The following SLC35G2 variants were observed in gnomAD, a reference collection of about 807,000 sequenced individuals.
SLC35G2 encodes transmembrane protein 22.
Under a neutral mutation model 27.2 loss-of-function variants are expected in SLC35G2, and 20 were observed. That is an observed-to-expected ratio of 0.74 (90% confidence interval 0.52 to 1.07). The LOEUF is 1.07. Ranked by LOEUF, SLC35G2 falls within the 50% of genes least tolerant of loss-of-function variation. SLC35G2 has a pLI of 0.00. For synonymous variants in SLC35G2, 148 were observed against 165.3 expected (o/e 0.90, Z 0.80); for missense variants, 416 against 493.3 (o/e 0.84, Z 1.48).
rs1195017165 is a variant in SLC35G2, at chr3:136,829,271, G to GAGTGC, written c.-19+9648_-19+9652dup. ...GGAGTCTTGCTCTGGCACCAGGCTG[G>GAGTGC]AGTGCAGTGGCGCCATCTTGGCTCA... On this transcript the variant is annotated intron_variant, in intron 1 of 1. Transcript: ENST00000446465. Among the ~76,000 whole-genome samples the GAGTGC allele has an allele frequency of 2.0e-5, 3 of 151,884 alleles. No homozygotes were observed. The East Asian group carries it at 5.8e-4, about 29-fold the overall frequency.
At chr3:136,830,002 A>G (rs931692797) in intron 1 of SLC35G2, among the ~76,000 whole-genome samples, 2 of 151,986 alleles carry the variant, frequency 1.3e-5, no homozygotes, top group African/African-American at 4.8e-5. Flanking sequence ...CTTTGAATAA[A>G]CTTTCTACCT....
intron 1 of SLC35G2, among the ~76,000 whole-genome samples, chr3:136,849,872 C>T (rs991761084): frequency 1.3e-5 from 2 of 149,714 alleles, no homozygotes; most frequent in Admixed American, 6.7e-5. Context: ...CGGGAAGCCG[C>T]GGCGGGCGGA....
intron 1 of SLC35G2, among the ~76,000 whole-genome samples, chr3:136,846,057 C>T (rs116309219): frequency 5.3e-5 from 8 of 152,190 alleles, no homozygotes; most frequent in African/African-American, 1.9e-4. Context: ...GGGCATCGTC[C>T]AATCAGTTGA....
intron 1 of SLC35G2, among the ~76,000 whole-genome samples, chr3:136,836,887 G>T (rs971252520): frequency 6.6e-6 from 1 of 152,182 alleles, no homozygotes; most frequent in Non-Finnish European, 1.5e-5. Flanking sequence ...AATTCTAGGA[G>T]CTGGATGATG....
intron 1 of SLC35G2, among the ~76,000 whole-genome samples, chr3:136,845,707 T>C (rs1333822293): frequency 2.6e-5 from 4 of 151,908 alleles, no homozygotes; most frequent in South Asian, 2.1e-4. Flanking sequence ...GCAATTCTCC[T>C]GCCTCAGCCT....
Position 136,854,941 on chromosome 3 carries a change from C to T in SLC35G2, c.481C>T (p.Pro161Ser), listed in dbSNP as rs1016206214. 6.2e-7 allele frequency: 1 copy of T among 1,613,968 alleles called. No individual in the cohort carries two copies. Among genetic ancestry groups the T allele is most frequent in the Non-Finnish European group, 8.5e-7 (1 of 1,180,014 alleles). Residue 161 changes from proline to serine, a missense_variant, in exon 2 of 2, where the codon CCC becomes TCC. Pro to Ser is a moderately conservative substitution (Grantham distance 74). Transcript: ENST00000446465. ...TTACTATCAGGAGGCCCCCTTTGGA[C>T]CCAGTGGATACAGATTACGACTCTT... Reference protein sequence around the residue: ...VCYYQEAPFGPSGYRLRLFFY... With the variant: ...VCYYQEAPFGSSGYRLRLFFY...
At chr3:136,825,152 A>G (rs1430604146) in intron 1 of SLC35G2, among the ~76,000 whole-genome samples, 3 of 152,046 alleles carry the variant, frequency 2.0e-5, no homozygotes, top group Non-Finnish European at 4.4e-5. Context: ...CAGTGGTGAA[A>G]GTGGCCATCC....
At chr3:136,850,509 T>C (rs1286126482) in intron 1 of SLC35G2, among the ~76,000 whole-genome samples, 1 of 152,172 alleles carries the variant, frequency 6.6e-6, no homozygotes, top group Admixed American at 6.5e-5. Flanking sequence ...CCAAATAATA[T>C]TTTAAAAAAT....
rs563619362 is a variant in SLC35G2 at position 136,852,510 on chromosome 3, T to G, written c.-18-1933T>G. ...TTTTTTCTTTTTCTTTTTTTTTTTT[T>G]GAGATGGAGTCTTGCTCTGTTGCTG... On this transcript the variant is annotated intron_variant, in intron 1 of 1. Transcript: ENST00000446465. 1.1e-4 allele frequency among the ~76,000 whole-genome samples: 17 copies of G among 151,616 alleles called. No individual in the cohort carries two copies. In the East Asian group the frequency reaches 2.7e-3, roughly 24 times the overall value.
intron 1 of SLC35G2, among the ~76,000 whole-genome samples, chr3:136,828,556 T>G (rs1415461797): frequency 6.6e-6 from 1 of 152,240 alleles, no homozygotes; most frequent in African/African-American, 2.4e-5. Flanking sequence ...TAACTACTTT[T>G]GTCCTTGTTT....
rs1450966526 is a variant in SLC35G2 at position 136,855,854 on chromosome 3, T to A, written c.*155T>A. ...AGAAAATTTATTCTAGTCTAATATA[T>A]TCAAATACAAATATTAAATATATGA... On this transcript the variant is annotated 3_prime_UTR_variant, in exon 2 of 2. Transcript: ENST00000446465. 1.8e-6 allele frequency: 1 copy of A among 563,120 alleles called. No homozygotes were observed. The highest frequency in any genetic ancestry group is 3.1e-5 in the East Asian group (1 of 32,720). The allele number at this position is 563,120 out of a possible 1,614,324, so 34.9% of individuals were successfully genotyped here. A position where few individuals can be genotyped will look rare whatever the true frequency, so the allele number is the denominator to read the frequency against.
chr3:136,841,292 G>A (rs923487490), intron 1 of SLC35G2, among the ~76,000 whole-genome samples: 3 of 152,146 alleles, frequency 2.0e-5, no homozygotes, highest in African/African-American at 7.2e-5. Context: ...ATTCCGGAAT[G>A]TAACAAACTT....
chr3:136,840,978 T>C (rs1937069374), intron 1 of SLC35G2, among the ~76,000 whole-genome samples: 1 of 143,816 alleles, frequency 7.0e-6, no homozygotes, highest in South Asian at 2.3e-4. Flanking sequence ...TTTCCCAGGC[T>C]GGAGTATAGT....
Position 136,854,796 on chromosome 3 carries a change from T to G in SLC35G2, c.336T>G (p.Ala112=). 6.2e-7 allele frequency: 1 copy of G among 1,614,216 alleles called. No individual in the cohort carries two copies. Among genetic ancestry groups the G allele is most frequent in the Non-Finnish European group, 8.5e-7 (1 of 1,180,028 alleles). ...TGTGGATAGTGCTGTTTGGATCTGC[T>G]TTGGCTCATGGATGTGTAGCTCTTA... is the stretch of plus-strand genomic sequence containing the variant. ...RKMWIVLFGS[A]LAHGCVALIT... is the part of the protein sequence containing the mutation. The change falls in exon 2 of 2, where the codon GCT becomes GCG. Residue 112 remains alanine (A), a synonymous_variant. Coordinates refer to ENST00000446465, the MANE Select transcript of SLC35G2 (RefSeq NM_025246.3).
intron 1 of SLC35G2, among the ~76,000 whole-genome samples, chr3:136,833,953 A>G (rs1407746482): frequency 6.6e-6 from 1 of 151,970 alleles, no homozygotes; most frequent in Non-Finnish European, 1.5e-5. Context: ...ATACAATGCT[A>G]CTGTATATGG....
chr3:136,827,772 C>A (rs1280173792), intron 1 of SLC35G2, among the ~76,000 whole-genome samples: 2 of 151,100 alleles, frequency 1.3e-5, no homozygotes, highest in Admixed American at 6.6e-5. Context: ...TTCCAAAATT[C>A]TTCTTGTTAT....
At chr3:136,824,377 G>C (rs1936534794) in intron 1 of SLC35G2, among the ~76,000 whole-genome samples, 1 of 151,810 alleles carries the variant, frequency 6.6e-6, no homozygotes, top group Non-Finnish European at 1.5e-5. Flanking sequence ...TCCATTTTTT[G>C]GTGTCCTCTT....
chr3:136,819,951 G>GCT (rs1936404342), intron 1 of SLC35G2: 1 of 152,244 alleles, frequency 6.6e-6, no homozygotes, highest in East Asian at 1.9e-4. Flanking sequence ...TCCTCACAGT[G>GCT]CTCTGGGCGC....
chr3:136,824,072 G>A (rs1936527319), intron 1 of SLC35G2, among the ~76,000 whole-genome samples: 1 of 152,054 alleles, frequency 6.6e-6, no homozygotes, highest in Non-Finnish European at 1.5e-5. Context: ...TCTGTGTCAT[G>A]GGTCTATGTA....
Sources: allele counts gnomAD v4.1 joint callset (sites outside exome capture counted in the v4.1 genomes callset), GRCh38; gene constraint gnomAD v4.1.1; transcripts MANE v1.5; gene names NCBI Gene and HGNC (gene_info 2026-07-23, HGNC 2026-07-21).